The following NFATC1 variants were observed in gnomAD, a reference collection of about 807,000 sequenced individuals.
NFATC1 encodes the protein nuclear factor of activated T cells 1, also known as nuclear factor of activated T-cells, cytoplasmic 1.
NFATC1 carries 22 observed loss-of-function variants against 76.0 expected under a neutral mutation model. The ratio of observed to expected loss-of-function variants is 0.29; its 90% CI spans 0.21 to 0.41. The LOEUF (loss-of-function observed/expected upper bound fraction) is 0.41. Ranked by LOEUF, NFATC1 falls within the 10% of genes least tolerant of loss-of-function variation. The pLI, the probability that NFATC1 is intolerant of heterozygous loss-of-function variation, is 1.00. For synonymous variants in NFATC1, 704 were observed against 613.1 expected (o/e 1.15, Z -2.19); for missense variants, 1,357 against 1,337.7 (o/e 1.01, Z -0.23).
intron 6 of NFATC1, among the ~76,000 whole-genome samples, chr18:79,456,464 G>A (rs2087731222): frequency 6.6e-6 from 1 of 152,216 alleles, no homozygotes; most frequent in Non-Finnish European, 1.5e-5. Context: ...AAGCCCCGAG[G>A]CCCCTGCAGG....
At position 79,486,727 on chromosome 18, in the gene NFATC1, C is replaced by A. The variant is rs774194752; in HGVS notation, c.2572C>A (p.Pro858Thr). The A allele has an allele frequency of 1.8e-5, 28 of 1,598,450 alleles. No individual in the cohort carries two copies. The highest frequency in any genetic ancestry group is 2.3e-5 in the Non-Finnish European group (27 of 1,174,752). ...TCCACTCCCGCCTGCCACCCAAGAG[C>A]CGACCTGCCTGCAGCCCTGCAGCCC... ...SPPLPPATQEPTCLQPCSPAC... is the reference protein window; with the variant it reads ...SPPLPPATQETTCLQPCSPAC... Residue 858 changes from proline to threonine, a missense_variant, in exon 9 of 10, where the codon CCG becomes ACG. Physicochemically the swap from Pro to Thr is conservative, Grantham distance 38. Transcript: ENST00000427363.
chr18:79,464,692 A>ATATATATATT lies in NFATC1; in HGVS notation c.1960-2755_1960-2754insATATATTTAT, dbSNP rs1156867375. 3.6e-5 allele frequency among the ~76,000 whole-genome samples: 4 copies of ATATATATATT among 111,576 alleles called. 1 individual carries two copies. Among genetic ancestry groups the ATATATATATT allele is most frequent in the African/African-American group, 1.7e-4 (4 of 23,060 alleles). 73.2% of individuals were successfully genotyped at this position (111,576 alleles called of 152,430 possible). A position where few individuals can be genotyped will look rare whatever the true frequency, so the allele number is the denominator to read the frequency against. On this transcript the variant is annotated intron_variant, in intron 7 of 9. Transcript: ENST00000427363. ...TGTGTATATGTATGTGTATATATATATATTTATTTATTTATTTATTTTTTT... is the reference window on the plus strand; with the variant it reads ...TGTGTATATGTATGTGTATATATATATATATATATTTATTTATTTATTTATTTATTTTTTT...
rs999232029 is a variant in NFATC1 at position 79,413,654 on chromosome 18, T to C, written c.1226+2153T>C. ...TTGCGGGGAGCACCGTTCGGCTGCCTCAGCCCCGGTCTTACTGTCGCAGTA... is the reference window on the plus strand; with the variant it reads ...TTGCGGGGAGCACCGTTCGGCTGCCCCAGCCCCGGTCTTACTGTCGCAGTA... On this transcript the variant is annotated intron_variant, in intron 2 of 9. Coordinates refer to ENST00000427363, the MANE Select transcript of NFATC1 (RefSeq NM_001278669.2). Among the ~76,000 whole-genome samples the C allele has an allele frequency of 5.5e-4, 83 of 152,250 alleles. 1 individual carries two copies. The highest frequency in any genetic ancestry group is 1.3e-4 in the Non-Finnish European group (9 of 68,046).
At chr18:79,403,955 G>A (rs1038054495) in intron 1 of NFATC1, among the ~76,000 whole-genome samples, 8 of 152,196 alleles carry the variant, frequency 5.3e-5, no homozygotes, top group Admixed American at 4.6e-4. Flanking sequence ...TTAGGAAAGC[G>A]TTCCTGCTAT....
intron 1 of NFATC1, among the ~76,000 whole-genome samples, chr18:79,396,809 CACCCCG>C (rs2148112919): frequency 6.6e-6 from 1 of 151,852 alleles, no homozygotes; most frequent in African/African-American, 2.4e-5. Flanking sequence ...CCCCCACCCC[CACCCCG>C]AGCTCGTGGC....
chr18:79,476,278 C>T (rs757873444), intron 8 of NFATC1, among the ~76,000 whole-genome samples: 10 of 152,236 alleles, frequency 6.6e-5, no homozygotes, highest in Non-Finnish European at 1.3e-4. Context: ...GCTGCCCCAC[C>T]GTGGCTCTGT....
Position 79,467,900 on chromosome 18 carries a change from C to G in NFATC1, c.2092+318C>G, listed in dbSNP as rs146207807. The G allele has an allele frequency of 7.7e-6, 9 of 1,166,892 alleles. No individual in the cohort carries two copies. In the African/African-American group the frequency reaches 1.3e-4, roughly 17 times the overall value. The allele number at this position is 1,166,892 out of a possible 1,614,324, so 72.3% of individuals were successfully genotyped here. On this transcript the variant is annotated intron_variant, in intron 8 of 9. Transcript: ENST00000427363. ...TTCTGCTCCAAAAAACTGAGGGGGT[C>G]CTGGTGTGCATTTGCACCCTAAAGC...
chr18:79,414,725 A>AAGCTGTGAATTCTGGCATCAGAAAGG (rs1282023545), intron 2 of NFATC1, among the ~76,000 whole-genome samples: 15 of 152,084 alleles, frequency 9.9e-5, no homozygotes, highest in Non-Finnish European at 2.2e-4. Context: ...TTAGAATCTT[A>AAGCTGTGAATTCTGGCATCAGAAAGG]AGCTGTGAAT....
chr18:79,494,009 T>A (rs947479895), intron 9 of NFATC1, among the ~76,000 whole-genome samples: 2 of 151,254 alleles, frequency 1.3e-5, no homozygotes, highest in African/African-American at 4.8e-5. Flanking sequence ...GGCCCGGAGC[T>A]GCTTCCTCAG....
chr18:79,431,782 A>G (rs1438552111), intron 2 of NFATC1, among the ~76,000 whole-genome samples: 1 of 152,018 alleles, frequency 6.6e-6, no homozygotes, highest in East Asian at 1.9e-4. Context: ...GGCTCACTGC[A>G]ACCTCCTCCT....
At chr18:79,480,934 T>G (rs2089251021) in intron 8 of NFATC1, among the ~76,000 whole-genome samples, 1 of 152,232 alleles carries the variant, frequency 6.6e-6, no homozygotes, top group South Asian at 2.1e-4. Flanking sequence ...CTTCCAGCCA[T>G]GTGCTTTTGC....
chr18:79,515,987 C>T (rs1023506770), intron 9 of NFATC1: 41 of 151,210 alleles, frequency 2.7e-4, no homozygotes, highest in African/African-American at 7.8e-4. Context: ...CGTGGAAACA[C>T]GCGCCCGCAT....
At chr18:79,526,187 G>A (rs972929311) in intron 9 of NFATC1, among the ~76,000 whole-genome samples, 1 of 152,240 alleles carries the variant, frequency 6.6e-6, no homozygotes, top group Non-Finnish European at 1.5e-5. Flanking sequence ...CAGGTCCTGC[G>A]TGCCAGTCCG....
intron 2 of NFATC1, among the ~76,000 whole-genome samples, chr18:79,428,632 C>T (rs2144636039): frequency 6.6e-6 from 1 of 152,328 alleles, no homozygotes; most frequent in East Asian, 1.9e-4. Flanking sequence ...AAATGGGATG[C>T]TGTGATTAGA....
chr18:79,401,364 C>T (rs1234338796), intron 1 of NFATC1, among the ~76,000 whole-genome samples: 1 of 152,198 alleles, frequency 6.6e-6, no homozygotes, highest in East Asian at 1.9e-4. Flanking sequence ...CTTTTAAAAA[C>T]TCCAACGTCT....
intron 3 of NFATC1, among the ~76,000 whole-genome samples, chr18:79,441,782 G>T (rs1176692349): frequency 6.6e-6 from 1 of 152,072 alleles, no homozygotes; most frequent in East Asian, 1.9e-4. Context: ...TGGGGTCACG[G>T]GGTTGCGGCG....
intron 9 of NFATC1, among the ~76,000 whole-genome samples, chr18:79,495,619 T>A (rs1170395873): frequency 6.6e-6 from 1 of 152,226 alleles, no homozygotes. Context: ...TTAGATCTAT[T>A]TTGTGCCGAA....
At chr18:79,504,772 C>T (rs137887949) in intron 9 of NFATC1, among the ~76,000 whole-genome samples, 36 of 150,852 alleles carry the variant, frequency 2.4e-4, no homozygotes, top group South Asian at 4.2e-4. Flanking sequence ...GAGACTGCTG[C>T]GTGGGAGGAG....
chr18:79,410,000 G>A (rs1238436633), intron 1 of NFATC1: 1 of 552,470 alleles, frequency 1.8e-6, no homozygotes, highest in African/African-American at 1.9e-5. Flanking sequence ...GTTTTTGAAT[G>A]AAGAGCGGAA....
Sources: gnomAD v4.1 joint callset for allele counts (sites outside exome capture counted in the v4.1 genomes callset) on GRCh38, gnomAD v4.1.1 for gene constraint, MANE v1.5 for transcripts, NCBI Gene and HGNC (gene_info 2026-07-23, HGNC 2026-07-21) for gene names.